The following SEC24D variants were observed in gnomAD, a reference collection of about 807,000 sequenced individuals.
SEC24D encodes the protein protein transport protein Sec24D.
A neutral mutation model predicts 116.9 loss-of-function variants in SEC24D; 69 were observed. The observed-to-expected ratio is 0.59, with a 90% CI of 0.49 to 0.72. The LOEUF is 0.72. Among genes scored for constraint, SEC24D ranks in the 30% least tolerant of loss-of-function variants. The pLI is 0.00. For synonymous variants in SEC24D, 405 were observed against 442.8 expected (o/e 0.91, Z 1.07); for missense variants, 1,131 against 1,264.1 (o/e 0.89, Z 1.60).
chr4:118,780,659 T>C (rs1728357558), intron 8 of SEC24D, among the ~76,000 whole-genome samples: 2 of 152,176 alleles, frequency 1.3e-5, no homozygotes, highest in Admixed American at 6.5e-5. Context: ...ATATCCTTGT[T>C]AACCTTCTGT....
At chr4:118,759,352 C>T (rs1727257777) in intron 10 of SEC24D, among the ~76,000 whole-genome samples, 1 of 152,130 alleles carries the variant, frequency 6.6e-6, no homozygotes, top group Non-Finnish European at 1.5e-5. Context: ...ATGTTTCGGC[C>T]CATCCCTACT....
chr4:118,769,579 A>T (rs572609075), intron 8 of SEC24D, among the ~76,000 whole-genome samples: 1 of 152,270 alleles, frequency 6.6e-6, no homozygotes. Flanking sequence ...GAAAACCGAG[A>T]TCCCCCATTG....
At chr4:118,814,336 C>T (rs1157786656) in intron 6 of SEC24D, among the ~76,000 whole-genome samples, 1 of 152,158 alleles carries the variant, frequency 6.6e-6, no homozygotes, top group Non-Finnish European at 1.5e-5. Flanking sequence ...ATAGCATGTC[C>T]TCAGTAGTGT....
chr4:118,833,848 GA>G (rs1468346092), intron 1 of SEC24D, 111 bp from the exon 2 acceptor site: 1 of 579,602 alleles, frequency 1.7e-6, no homozygotes, highest in Non-Finnish European at 3.0e-6. Context: ...GAAAAGTACA[GA>G]TATCAGGTAC....
rs866275915 is a variant in SEC24D, at chr4:118,777,127, T to C, written c.1042-8816A>G. Among the ~76,000 whole-genome samples the C allele has an allele frequency of 2.6e-5, 3 of 116,054 alleles. 1 individual carries two copies. The South Asian group carries it at 9.4e-4, about 36-fold the overall frequency. 76.1% of individuals were successfully genotyped at this position (116,054 alleles called of 152,430 possible). On this transcript the variant is annotated intron_variant, in intron 8 of 22. Coordinates refer to ENST00000280551, the MANE Select transcript of SEC24D (RefSeq NM_014822.4). Reference sequence around the variant, plus strand: ...TATTTATTTATTTATTTATTTATTTTTATTATACTTTAAGTTAGAGGGTAC... The same window carrying C: ...TATTTATTTATTTATTTATTTATTTCTATTATACTTTAAGTTAGAGGGTAC...
chr4:118,812,556 G>A (rs1729962996), intron 6 of SEC24D, among the ~76,000 whole-genome samples: 1 of 152,196 alleles, frequency 6.6e-6, no homozygotes. Flanking sequence ...GAGAATGCCA[G>A]TGGAAGAGCA....
chr4:118,795,721 C>T (rs576892122), intron 8 of SEC24D, among the ~76,000 whole-genome samples: 60 of 152,236 alleles, frequency 3.9e-4, no homozygotes, highest in African/African-American at 1.4e-3. Context: ...AAATCTATCA[C>T]AGAAAACAAT....
chr4:118,736,608 A>G (rs1203753329), intron 19 of SEC24D: 2 of 279,270 alleles, frequency 7.2e-6, no homozygotes, highest in South Asian at 3.4e-5. Context: ...GATTTTCTGA[A>G]GAGAACATTA....
At chr4:118,812,263 T>C (rs1729950848) in intron 6 of SEC24D, among the ~76,000 whole-genome samples, 1 of 151,968 alleles carries the variant, frequency 6.6e-6, no homozygotes, top group South Asian at 2.1e-4. Flanking sequence ...ATCTCTGAAA[T>C]CTGTGAATAT....
intron 2 of SEC24D, among the ~76,000 whole-genome samples, chr4:118,831,621 T>C (rs1730861934): frequency 6.6e-6 from 1 of 152,096 alleles, no homozygotes; most frequent in Non-Finnish European, 1.5e-5. Flanking sequence ...TGATTTTTTT[T>C]TTTTTTAGCT....
At chr4:118,730,796 T>C (rs1725642390) in intron 21 of SEC24D, 2 of 153,388 alleles carry the variant, frequency 1.3e-5, no homozygotes, top group Admixed American at 6.5e-5. Flanking sequence ...AATTATTATT[T>C]GTTAACTCAG....
chr4:118,752,570 GT>G (rs1404157069), intron 12 of SEC24D, 126 bp downstream of exon 12: 2 of 643,824 alleles, frequency 3.1e-6, no homozygotes, highest in Non-Finnish European at 5.1e-6. Flanking sequence ...AAATGATAGA[GT>G]TTTATAATCT....
At chr4:118,805,650 A>C (rs1011576315) in intron 7 of SEC24D, among the ~76,000 whole-genome samples, 193 bp downstream of exon 7, 1 of 152,230 alleles carries the variant, frequency 6.6e-6, no homozygotes, top group Non-Finnish European at 1.5e-5. Context: ...AACTCTCCAG[A>C]CTTCCATACG....
intron 7 of SEC24D, among the ~76,000 whole-genome samples, chr4:118,799,237 G>C (rs1337192485): frequency 2.0e-5 from 3 of 152,162 alleles, no homozygotes; most frequent in Non-Finnish European, 4.4e-5. Context: ...GTGTGAGAGA[G>C]CGTGATGGTC....
chr4:118,750,137 G>A (rs1019644025), intron 13 of SEC24D, among the ~76,000 whole-genome samples: 5 of 152,166 alleles, frequency 3.3e-5, no homozygotes, highest in African/African-American at 1.2e-4. Context: ...GCTGAAATGA[G>A]TTGGACTCTA....
chr4:118,776,178 T>C (rs532830206), intron 8 of SEC24D, among the ~76,000 whole-genome samples: 2 of 152,184 alleles, frequency 1.3e-5, no homozygotes, highest in African/African-American at 4.8e-5. Context: ...AGAAGTCTCC[T>C]CTGGAATTGA....
chr4:118,745,103 G>T, intron 13 of SEC24D, 43 bp from the exon 14 acceptor site: 1 of 1,038,366 alleles, frequency 9.6e-7, no homozygotes, highest in South Asian at 1.4e-5. Context: ...AAAATGCCGT[G>T]AGTAGGAACA....
chr4:118,734,147 T>C (rs568338509), intron 19 of SEC24D, among the ~76,000 whole-genome samples: 1 of 149,894 alleles, frequency 6.7e-6, no homozygotes, highest in South Asian at 2.1e-4. Flanking sequence ...TACGAGATAA[T>C]AACTTGCAAA....
intron 8 of SEC24D, among the ~76,000 whole-genome samples, chr4:118,777,701 GGTTGAACTA>G (rs1728205817): frequency 6.6e-6 from 1 of 152,172 alleles, no homozygotes; most frequent in South Asian, 2.1e-4. Context: ...CTTCCACAAT[GGTTGAACTA>G]GTTTACACTC....
Sources: gnomAD v4.1 joint callset for allele counts (sites outside exome capture counted in the v4.1 genomes callset) on GRCh38, gnomAD v4.1.1 for gene constraint, MANE v1.5 for transcripts, NCBI Gene and HGNC (gene_info 2026-07-23, HGNC 2026-07-21) for gene names.